Variants in ZFHX3 observed in about 807,000 individuals in gnomAD.
ZFHX3 encodes the protein zinc finger homeobox protein 3.
ZFHX3 carries 42 observed loss-of-function variants against 279.1 expected under a neutral mutation model. That is an observed-to-expected ratio of 0.15 (90% CI 0.12 to 0.19). ZFHX3 has a LOEUF of 0.19. ZFHX3 is among the 10% of genes least tolerant of loss of function. ZFHX3 has a pLI of 1.00. For missense variants in ZFHX3, 4,981 were observed against 4,754.0 expected, an observed-to-expected ratio of 1.05 and a Z score of -1.40; for synonymous variants, 2,293 against 1,957.8, an observed-to-expected ratio of 1.17 and a Z score of -4.52.
At chr16:73,075,719 C>T (rs111243107) in intron 8 of ZFHX3, among the ~76,000 whole-genome samples, 5 of 152,010 alleles carry the variant, frequency 3.3e-5, no homozygotes, top group Admixed American at 6.6e-5. Context: ...CTGCAACCTC[C>T]GCCTCCTGGG....
intron 1 of ZFHX3, among the ~76,000 whole-genome samples, chr16:73,833,447 C>A (rs913772497): frequency 6.6e-6 from 1 of 152,150 alleles, no homozygotes; most frequent in African/African-American, 2.4e-5. Flanking sequence ...AACTCACAGT[C>A]TTAATCAACT....
At chr16:73,241,790 C>CAAAAAAAAAAAAAAAAA (rs60214410) in intron 5 of ZFHX3, among the ~76,000 whole-genome samples, 4 of 51,282 alleles carry the variant, frequency 7.8e-5, no homozygotes, top group South Asian at 1.1e-3. Context: ...AACTCCGTCT[C>CAAAAAAAAAAAAAAAAA]AAAAAAAAAA....
intron 4 of ZFHX3, among the ~76,000 whole-genome samples, chr16:73,259,825 G>T (rs2013767517): frequency 6.6e-6 from 1 of 152,102 alleles, no homozygotes; most frequent in Non-Finnish European, 1.5e-5. Flanking sequence ...TTTTTCCAAT[G>T]ATGTTAACTC....
At chr16:73,026,055 G>A (rs1964484933) in intron 1 of ZFHX3, among the ~76,000 whole-genome samples, 1 of 152,036 alleles carries the variant, frequency 6.6e-6, no homozygotes. Flanking sequence ...GGCTGAAATA[G>A]TAGAGGGTCT....
chr16:73,737,113 A>C (rs1013927332), intron 1 of ZFHX3, among the ~76,000 whole-genome samples: 1 of 152,100 alleles, frequency 6.6e-6, no homozygotes, highest in Non-Finnish European at 1.5e-5. Flanking sequence ...AGTACATTGT[A>C]GCCTCAGTCT....
At chr16:73,659,362 A>C (rs2052755520) in intron 2 of ZFHX3, among the ~76,000 whole-genome samples, 1 of 152,186 alleles carries the variant, frequency 6.6e-6, no homozygotes, top group Admixed American at 6.5e-5. Flanking sequence ...AGCATCCTTC[A>C]CTCTAATTAA....
intron 1 of ZFHX3, among the ~76,000 whole-genome samples, chr16:73,754,400 T>C (rs1353135038): frequency 2.0e-5 from 3 of 152,022 alleles, no homozygotes; most frequent in Non-Finnish European, 2.9e-5. Context: ...AAGAGAGAGG[T>C]TTGTACGTTT....
intron 3 of ZFHX3, among the ~76,000 whole-genome samples, chr16:73,442,594 T>G (rs541916391): frequency 6.6e-6 from 1 of 152,372 alleles, no homozygotes; most frequent in African/African-American, 2.4e-5. Context: ...AAACAACTAG[T>G]GTCTCAGTAT....
In ZFHX3 at chr16:73,220,619, A is replaced by G. The variant is rs117945387; in HGVS notation, c.-1104+36428T>C. Among the ~76,000 whole-genome samples, 1,223 of 152,204 alleles carry G rather than the reference A, an allele frequency of 8.0e-3. 10 individuals are homozygous for G. The highest frequency in any genetic ancestry group is 0.014 in the Non-Finnish European group (927 of 68,002). On this transcript the variant is annotated intron_variant, in intron 5 of 17. Transcript: ENST00000641206. The stretch of plus-strand genomic sequence containing the variant: ...GACCGTAGAATCCCTTCATGCTGCT[A>G]TGTTCATTGCACAGTTTTTGTGCTA...
At chr16:73,034,425 A>C (rs1016926019) in intron 1 of ZFHX3, among the ~76,000 whole-genome samples, 1 of 152,204 alleles carries the variant, frequency 6.6e-6, no homozygotes, top group African/African-American at 2.4e-5. Context: ...AGTCCCCTCC[A>C]AGCAATGCAC....
upstream of ZFHX3, among the ~76,000 whole-genome samples, chr16:73,063,908 G>A (rs1301082874): frequency 6.6e-6 from 1 of 152,170 alleles, no homozygotes; most frequent in Non-Finnish European, 1.5e-5. Context: ...AGAGCAGAGG[G>A]TCTGAAGTCC....
At chr16:72,897,527 C>A (rs901700402) in intron 3 of ZFHX3, among the ~76,000 whole-genome samples, 5 of 152,056 alleles carry the variant, frequency 3.3e-5, no homozygotes, top group African/African-American at 1.2e-4. Context: ...ACAGCCTCAA[C>A]CTCCCCAGGC....
At chr16:73,262,925 C>A (rs2013865557) in intron 4 of ZFHX3, among the ~76,000 whole-genome samples, 1 of 152,134 alleles carries the variant, frequency 6.6e-6, no homozygotes. Context: ...TGGCCGACTG[C>A]CAGACATGTG....
chr16:73,723,187 G>A (rs2639308), intron 1 of ZFHX3, among the ~76,000 whole-genome samples: 121,413 of 152,122 alleles, frequency 0.8, 50,018 homozygotes, highest in Non-Finnish European at 0.91. Context: ...GATTCTCTGA[G>A]TGCTTTACAA....
chr16:72,815,602 T>C (rs2036582679), intron 5 of ZFHX3, among the ~76,000 whole-genome samples: 1 of 152,198 alleles, frequency 6.6e-6, no homozygotes, highest in African/African-American at 2.4e-5. Flanking sequence ...AATGAAGTTG[T>C]ATGAATACCA....
At chr16:73,777,175 C>A (rs564772672) in intron 1 of ZFHX3, among the ~76,000 whole-genome samples, 1 of 152,240 alleles carries the variant, frequency 6.6e-6, no homozygotes, top group South Asian at 2.1e-4. Flanking sequence ...TCCCTGTCCT[C>A]CGCCACTCCC....
At chr16:73,001,601 T>C (rs6499605) in intron 1 of ZFHX3, among the ~76,000 whole-genome samples, 147,525 of 152,076 alleles carry the variant, frequency 0.97, 71,762 homozygotes, top group Middle Eastern at 1. Flanking sequence ...TCACTTCAGC[T>C]CAGAGGTTCA....
intron 4 of ZFHX3, among the ~76,000 whole-genome samples, chr16:72,876,490 C>A (rs1597336167): frequency 6.6e-6 from 1 of 152,172 alleles, no homozygotes; most frequent in Non-Finnish European, 1.5e-5. Flanking sequence ...ACTTCCTCCC[C>A]ACGAGGCATC....
At chr16:73,639,570 C>T (rs1293487067) in intron 2 of ZFHX3, among the ~76,000 whole-genome samples, 1 of 152,068 alleles carries the variant, frequency 6.6e-6, no homozygotes, top group Non-Finnish European at 1.5e-5. Flanking sequence ...GAGTCAGTGG[C>T]AAGGGCAGAA....
Sources: allele counts gnomAD v4.1 joint callset (sites outside exome capture counted in the v4.1 genomes callset), GRCh38; gene constraint gnomAD v4.1.1; transcripts MANE v1.5; gene names NCBI Gene and HGNC (gene_info 2026-07-23, HGNC 2026-07-21).